Variants in INO80E observed in about 807,000 individuals in gnomAD.
INO80E encodes INO80 complex subunit E, also known as coiled-coil domain containing 95.
In INO80E, 20 loss-of-function variants were observed where a neutral mutation model predicts 27.3. That is an observed-to-expected ratio of 0.73 (90% CI 0.51 to 1.06). INO80E has a LOEUF of 1.06. Ranked by LOEUF, INO80E falls within the 50% of genes least tolerant of loss-of-function variation. The pLI is 0.00. For synonymous variants in INO80E, 167 were observed against 145.9 expected (o/e 1.14, Z -1.04); for missense variants, 357 against 322.8 (o/e 1.11, Z -0.81).
rs1209370363 is a variant in INO80E at position 30,001,047 on chromosome 16, TG to T, written c.396+11del. 6.5e-7 allele frequency: 1 copy of T among 1,538,884 alleles called. No homozygotes were observed. Among genetic ancestry groups the T allele is most frequent in the Non-Finnish European group, 8.8e-7 (1 of 1,141,506 alleles). On this transcript the variant is annotated splice_region_variant and intron_variant, in intron 5 of 6. Transcript: ENST00000563197. ...CTCCCCATACCTGAGCTCGGTGAGT[TG>T]GGGTCAGGGATGGGAAGTGCTTGGG...
At chr16:29,997,798 G>T (rs1185631989) in intron 3 of INO80E, among the ~76,000 whole-genome samples, 2 of 149,166 alleles carry the variant, frequency 1.3e-5, no homozygotes, top group Admixed American at 6.7e-5. Context: ...GACCACACAA[G>T]CAGGCAGCAG....
At chr16:29,997,827 A>G (rs962978886) in intron 3 of INO80E, among the ~76,000 whole-genome samples, 1 of 151,572 alleles carries the variant, frequency 6.6e-6, no homozygotes, top group African/African-American at 2.4e-5. Flanking sequence ...TGAATGGAGT[A>G]CTCAAGAAAG....
Position 30,005,341 on chromosome 16 carries a change from A to G in INO80E, c.634A>G (p.Thr212Ala). Residue 212 changes from threonine (T) to alanine (A), a missense_variant, in exon 7 of 7, where the codon ACG becomes GCG. Thr to Ala is a moderately conservative substitution (Grantham distance 58). Transcript: ENST00000563197. ...PLPPPKMPPP[T>A]ILSTVPRQMF... ...CCCACCCCCTAAGATGCCCCCCCCCACGATCCTGAGCACGGTCCCTCGGCA... is the reference window on the plus strand; with the variant it reads ...CCCACCCCCTAAGATGCCCCCCCCCGCGATCCTGAGCACGGTCCCTCGGCA... The G allele has an allele frequency of 2.0e-6, 1 of 493,596 alleles. No homozygotes were observed. The highest frequency in any genetic ancestry group is 2.3e-6 in the Non-Finnish European group (1 of 428,730). The allele number at this position is 493,596 out of a possible 1,614,324, so 30.6% of individuals were successfully genotyped here. A position where few individuals can be genotyped will look rare whatever the true frequency, so the allele number is the denominator to read the frequency against.
Position 30,005,586 on chromosome 16 carries a change from T to G in INO80E, c.*144T>G, listed in dbSNP as rs1765706405. 5.1e-6 allele frequency: 4 copies of G among 783,494 alleles called. No homozygotes were observed. Among genetic ancestry groups the G allele is most frequent in the Non-Finnish European group, 8.3e-6 (4 of 481,326 alleles). The allele number at this position is 783,494 out of a possible 1,614,324, so 48.5% of individuals were successfully genotyped here. ...GACACAACCAGAAAAGGCGTAAACA[T>G]GCACGGGTGTCCCCCAGGAGGGTGG... On this transcript the variant is annotated 3_prime_UTR_variant, in exon 7 of 7. Transcript: ENST00000563197.
In INO80E at chr16:29,996,377, A is replaced by G. The variant is rs528387389; in HGVS notation, c.67A>G (p.Lys23Glu). 26 of 1,593,622 alleles carry G rather than the reference A, an allele frequency of 1.6e-5. 1 individual carries two copies. The Admixed American group carries it at 4.2e-4, about 26-fold the overall frequency. Residue 23 changes from lysine to glutamate, a missense_variant, in exon 1 of 7, where the codon AAG becomes GAG. Physicochemically the swap from Lys to Glu is moderately conservative, Grantham distance 56 (BLOSUM62 1). Transcript: ENST00000563197. The part of the protein sequence containing the change: ...KKYRNLKRKL[K>E]FLIYEHECFQ... ...ATACCGGAATCTGAAGCGGAAGCTCAAGTTCCTCATCTACGTGAGTGCTGC... is the reference window on the plus strand; with the variant it reads ...ATACCGGAATCTGAAGCGGAAGCTCGAGTTCCTCATCTACGTGAGTGCTGC...
At chr16:30,001,364 T>C in intron 5 of INO80E, 50 bp from the exon 6 acceptor site, 1 of 1,534,798 alleles carries the variant, frequency 6.5e-7, no homozygotes, top group Non-Finnish European at 8.8e-7. Context: ...TCCCCCACCC[T>C]CACCCCGGTC....
Position 30,005,329 on chromosome 16 carries a change from A to T in INO80E, c.622A>T (p.Met208Leu). The T allele has an allele frequency of 2.1e-6, 1 of 469,922 alleles. No individual in the cohort carries two copies. Among genetic ancestry groups the T allele is most frequent in the Non-Finnish European group, 3.0e-6 (1 of 338,176 alleles). The allele number at this position is 469,922 out of a possible 1,614,324, so 29.1% of individuals were successfully genotyped here. Residue 208 changes from methionine to leucine, a missense_variant, in exon 7 of 7, where the codon ATG becomes TTG. Transcript: ENST00000563197. The stretch of plus-strand genomic sequence containing the variant: ...CCTGACCCCCCTCCCACCCCCTAAG[A>T]TGCCCCCCCCCACGATCCTGAGCAC... ...TTLTPLPPPK[M>L]PPPTILSTVP...
At chr16:30,005,159 A>G (rs2070516209) in intron 6 of INO80E, 62 bp from the exon 7 acceptor site, 2 of 1,411,884 alleles carry the variant, frequency 1.4e-6, no homozygotes, top group Admixed American at 3.4e-5. Flanking sequence ...GGCAAAGCCT[A>G]GTCTCCTGAG....
chr16:30,001,657 C>T, intron 6 of INO80E, 127 bp downstream of exon 6: 2 of 834,322 alleles, frequency 2.4e-6, no homozygotes, highest in South Asian at 1.8e-5. Context: ...CAGCACTTAG[C>T]ACTGAGGGGT....
At chr16:30,000,694 G>A in intron 3 of INO80E, 64 bp from the exon 4 acceptor site, 3 of 1,381,926 alleles carry the variant, frequency 2.2e-6, no homozygotes, top group Non-Finnish European at 3.1e-6. Flanking sequence ...TGTAGAGGAG[G>A]TTATACCTTT....
chr16:29,996,723 G>T lies in INO80E; in HGVS notation c.153-85G>T, dbSNP rs1310561469. On this transcript the variant is annotated intron_variant, in intron 2 of 6. Transcript: ENST00000563197. ...AGTGCATGGGCTCTTTCAAGTATCCGATGGGCCAGCTGGGAGGGACAGGTA... is the reference window on the plus strand; with the variant it reads ...AGTGCATGGGCTCTTTCAAGTATCCTATGGGCCAGCTGGGAGGGACAGGTA... 24 of 1,592,016 alleles carry T rather than the reference G, an allele frequency of 1.5e-5. No individual in the cohort carries two copies. In the South Asian group the frequency reaches 2.7e-4, roughly 18 times the overall value.
At chr16:30,001,756 A>T in intron 6 of INO80E, 1 of 497,684 alleles carries the variant, frequency 2.0e-6, no homozygotes, top group South Asian at 3.0e-5. Flanking sequence ...GATGCCAGGG[A>T]TCCCGCCCTT....
intron 3 of INO80E, among the ~76,000 whole-genome samples, chr16:29,997,921 A>G (rs2070196657): frequency 6.6e-6 from 1 of 151,980 alleles, no homozygotes; most frequent in African/African-American, 2.4e-5. Flanking sequence ...CCCCATCTCA[A>G]TTAAAAAAAA....
chr16:30,005,259 G>A lies in INO80E; in HGVS notation c.552G>A (p.Pro184=), dbSNP rs778050517. 37 of 1,477,582 alleles carry A rather than the reference G, an allele frequency of 2.5e-5. No homozygotes were observed. In the South Asian group the frequency reaches 4.1e-4, roughly 16 times the overall value. The allele number at this position is 1,477,582 out of a possible 1,614,324, so 91.5% of individuals were successfully genotyped here. ...CCCCCGACTGCCCTGTGGGAGGGCC[G>A]CTGACCTTCCCTGGCCGGGGTTCTG... ...VGPPDCPVGG[P]LTFPGRGSGA... is the part of the protein sequence containing the mutation. The change falls in exon 7 of 7, where the codon CCG becomes CCA. Residue 184 remains proline (P), a synonymous_variant. Coordinates refer to ENST00000563197, the MANE Select transcript of INO80E (RefSeq NM_173618.3).
In INO80E at chr16:30,000,513, G is replaced by A. The variant is rs569717953; in HGVS notation, c.206-245G>A. 2.6e-5 allele frequency among the ~76,000 whole-genome samples: 4 copies of A among 152,250 alleles called. No individual in the cohort carries two copies. The South Asian group carries it at 8.3e-4, about 32-fold the overall frequency. ...TGAGTAGCTGGGACTACAAGCACAC[G>A]CCACCATGCTCGGATAATTGTTTTT... On this transcript the variant is annotated intron_variant, in intron 3 of 6. Coordinates refer to ENST00000563197, the MANE Select transcript of INO80E (RefSeq NM_173618.3).
At chr16:30,004,087 A>G (rs1384964542) in intron 6 of INO80E, 2 of 152,386 alleles carry the variant, frequency 1.3e-5, no homozygotes, top group African/African-American at 4.8e-5. Flanking sequence ...GCCACTGGAG[A>G]CCACGCATGG....
chr16:30,001,109 C>A, intron 5 of INO80E, 69 bp downstream of exon 5: 1 of 1,487,864 alleles, frequency 6.7e-7, no homozygotes, highest in Middle Eastern at 1.8e-4. Context: ...AAGGGCTGGG[C>A]CTCGGGGCAA....
At chr16:29,996,650 G>T (rs755609366) in intron 2 of INO80E, 33 bp downstream of exon 2, 3 of 1,581,660 alleles carry the variant, frequency 1.9e-6, no homozygotes, top group Middle Eastern at 1.7e-4. Flanking sequence ...AGGGCGATGT[G>T]CTTCCTAGGA....
At chr16:30,000,729 T>C (rs963126203) in intron 3 of INO80E, 29 bp from the exon 4 acceptor site, 65 of 1,598,470 alleles carry the variant, frequency 4.1e-5, no homozygotes, top group Non-Finnish European at 5.2e-5. Context: ...GATCCCCCCA[T>C]CCCCACTGAC....
Sources: gnomAD v4.1 joint callset for allele counts (sites outside exome capture counted in the v4.1 genomes callset) on GRCh38, gnomAD v4.1.1 for gene constraint, MANE v1.5 for transcripts, NCBI Gene and HGNC (gene_info 2026-07-23, HGNC 2026-07-21) for gene names.